LRRTM4: variants seen among roughly 807,000 people sequenced by gnomAD.
LRRTM4 encodes the protein leucine-rich repeat transmembrane neuronal protein 4.
In LRRTM4, 25 loss-of-function variants were observed where a neutral mutation model predicts 47.6. The ratio of observed to expected loss-of-function variants is 0.53; its 90% confidence interval spans 0.38 to 0.73. The LOEUF is 0.73. Ranked by LOEUF, LRRTM4 falls within the 30% of genes least tolerant of loss-of-function variation. LRRTM4 has a pLI of 0.00. For missense variants in LRRTM4, 638 were observed against 713.4 expected, an observed-to-expected ratio of 0.89 and a Z score of 1.20; for synonymous variants, 311 against 269.5, an observed-to-expected ratio of 1.15 and a Z score of -1.51.
chr2:77,014,127 C>T (rs971911392), intron 3 of LRRTM4, among the ~76,000 whole-genome samples: 3 of 152,030 alleles, frequency 2.0e-5, no homozygotes, highest in Non-Finnish European at 4.4e-5. Context: ...TTTGTTTGAT[C>T]CCCCTACAGG....
chr2:77,247,869 T>C lies in LRRTM4; in HGVS notation c.1551+270449A>G, dbSNP rs1219117878. 2.6e-5 allele frequency among the ~76,000 whole-genome samples: 4 copies of C among 151,560 alleles called. No individual in the cohort carries two copies. The East Asian group carries it at 5.8e-4, about 22-fold the overall frequency. On this transcript the variant is annotated intron_variant, in intron 3 of 3. Transcript: ENST00000409884. Reference sequence around the variant, plus strand: ...TATTTAGTTCTTCATGTAAATGCAATTGATGATTTTAAAATTATGACATTG... The same window carrying C: ...TATTTAGTTCTTCATGTAAATGCAACTGATGATTTTAAAATTATGACATTG...
chr2:77,119,556 C>T (rs1671473926), intron 3 of LRRTM4, among the ~76,000 whole-genome samples: 1 of 151,688 alleles, frequency 6.6e-6, no homozygotes, highest in Non-Finnish European at 1.5e-5. Flanking sequence ...TTTGTTGTGC[C>T]TACTGTACTA....
intron 3 of LRRTM4, among the ~76,000 whole-genome samples, chr2:76,814,715 C>A (rs1305396798): frequency 1.3e-5 from 2 of 151,718 alleles, no homozygotes; most frequent in African/African-American, 4.8e-5. Context: ...TTGGTATCCT[C>A]AGGAGTCTTG....
intron 3 of LRRTM4, among the ~76,000 whole-genome samples, chr2:77,448,704 T>C (rs1056584024): frequency 2.0e-5 from 3 of 152,148 alleles, no homozygotes; most frequent in Admixed American, 2.0e-4. Context: ...ATTCTAGAAG[T>C]AGAAATACCA....
intron 3 of LRRTM4, among the ~76,000 whole-genome samples, chr2:76,846,296 C>T (rs551684704): frequency 3.2e-4 from 49 of 152,224 alleles, no homozygotes; most frequent in African/African-American, 8.4e-4. Flanking sequence ...TGAGAATAAC[C>T]GCCTTAGAAG....
chr2:77,043,366 T>C (rs1396394131), intron 3 of LRRTM4, among the ~76,000 whole-genome samples: 1 of 151,802 alleles, frequency 6.6e-6, no homozygotes, highest in African/African-American at 2.4e-5. Context: ...AAAGAGGATT[T>C]GGGCATTGTC....
intron 3 of LRRTM4, among the ~76,000 whole-genome samples, chr2:77,202,734 G>T (rs1486209681): frequency 6.6e-6 from 1 of 151,816 alleles, no homozygotes; most frequent in East Asian, 1.9e-4. Flanking sequence ...GTTCCAGGAA[G>T]CTGTTACAGT....
At chr2:77,446,238 G>A (rs774861156) in intron 3 of LRRTM4, among the ~76,000 whole-genome samples, 1 of 151,822 alleles carries the variant, frequency 6.6e-6, no homozygotes, top group Non-Finnish European at 1.5e-5. Context: ...TGATATTTTG[G>A]TTCATACCAT....
intron 3 of LRRTM4, among the ~76,000 whole-genome samples, chr2:77,154,388 A>T (rs1172499605): frequency 5.3e-5 from 8 of 152,184 alleles, no homozygotes; most frequent in Non-Finnish European, 4.4e-5. Context: ...GGAATCAAAT[A>T]ATGCAAATCA....
intron 3 of LRRTM4, among the ~76,000 whole-genome samples, chr2:77,170,670 A>G (rs780632856): frequency 2.4e-4 from 36 of 152,272 alleles, no homozygotes; most frequent in Non-Finnish European, 3.5e-4. Flanking sequence ...GCAGAAAAGC[A>G]TCTTTAAACT....
chr2:77,173,269 G>C (rs1050071687), intron 3 of LRRTM4, among the ~76,000 whole-genome samples: 1 of 152,148 alleles, frequency 6.6e-6, no homozygotes, highest in African/African-American at 2.4e-5. Flanking sequence ...ATTGTTGAGT[G>C]AATGAAAAAT....
At chr2:77,137,694 G>C (rs373625725) in intron 3 of LRRTM4, among the ~76,000 whole-genome samples, 2 of 152,086 alleles carry the variant, frequency 1.3e-5, no homozygotes, top group African/African-American at 2.4e-5. Context: ...TGGAAAAAGA[G>C]TCAAGACCCA....
intron 3 of LRRTM4, among the ~76,000 whole-genome samples, chr2:77,088,358 A>T (rs1201249777): frequency 1.3e-5 from 2 of 152,148 alleles, no homozygotes; most frequent in Non-Finnish European, 2.9e-5. Context: ...ATGACATTCC[A>T]CCACAAAAGA....
chr2:77,522,162 C>T lies in LRRTM4; in HGVS notation c.-201G>A, dbSNP rs751258449. 39 of 714,920 alleles carry T rather than the reference C, an allele frequency of 5.5e-5. No individual in the cohort carries two copies. Among genetic ancestry groups the T allele is most frequent in the Non-Finnish European group, 4.2e-5 (16 of 383,618 alleles). The allele number at this position is 714,920 out of a possible 1,614,324, so 44.3% of individuals were successfully genotyped here. On this transcript the variant is annotated 5_prime_UTR_variant, in exon 1 of 4. Transcript: ENST00000409884. ...CCATTCCCAGATAAAGCAATTCATC[C>T]TCTGGATTTTCAGTTCTTGAAGCAA...
At chr2:76,766,879 GAACT>G (rs1192264698) in intron 3 of LRRTM4, among the ~76,000 whole-genome samples, 1 of 152,136 alleles carries the variant, frequency 6.6e-6, no homozygotes, top group African/African-American at 2.4e-5. Context: ...AAGGAAAAAA[GAACT>G]ATCTGATCTA....
chr2:76,891,734 A>T (rs1673261367), intron 3 of LRRTM4, among the ~76,000 whole-genome samples: 1 of 151,816 alleles, frequency 6.6e-6, no homozygotes, highest in Non-Finnish European at 1.5e-5. Flanking sequence ...AAAGATATCT[A>T]AACATACCAA....
intron 3 of LRRTM4, among the ~76,000 whole-genome samples, chr2:77,224,060 T>A (rs1209265993): frequency 6.6e-6 from 1 of 151,026 alleles, no homozygotes; most frequent in Admixed American, 6.6e-5. Flanking sequence ...ATGCCGCATA[T>A]CTACAACTAT....
At chr2:77,413,532 T>C (rs1674520846) in intron 3 of LRRTM4, among the ~76,000 whole-genome samples, 1 of 152,170 alleles carries the variant, frequency 6.6e-6, no homozygotes. Flanking sequence ...TTGTTACCTG[T>C]GGAATGGACA....
At chr2:77,016,098 A>C (rs1678058691) in intron 3 of LRRTM4, among the ~76,000 whole-genome samples, 1 of 151,958 alleles carries the variant, frequency 6.6e-6, no homozygotes, top group African/African-American at 2.4e-5. Context: ...AAATATAAAC[A>C]AACAAAAATC....
Sources: allele counts gnomAD v4.1 joint callset (sites outside exome capture counted in the v4.1 genomes callset), GRCh38; gene constraint gnomAD v4.1.1; transcripts MANE v1.5; gene names NCBI Gene and HGNC (gene_info 2026-07-23, HGNC 2026-07-21).